The following DRC8 variants were observed in gnomAD, a reference collection of about 807,000 sequenced individuals.
DRC8 encodes dynein regulatory complex subunit 8.
the DRC8 span, among the ~76,000 whole-genome samples, chr1:244,993,566 A>G: frequency 1.3e-5 from 2 of 152,204 alleles, no homozygotes; most frequent in African/African-American, 2.4e-5. Context: ...ATCCACAGAC[A>G]CTTCTATCAA....
chr1:245,063,869 C>T, the DRC8 span, among the ~76,000 whole-genome samples: 15 of 152,054 alleles, frequency 9.9e-5, no homozygotes, highest in East Asian at 1.9e-4. Flanking sequence ...GTTACAGGCA[C>T]GCACCACCAC....
the DRC8 span, among the ~76,000 whole-genome samples, chr1:244,989,944 C>T: frequency 4.6e-5 from 7 of 152,196 alleles, no homozygotes; most frequent in Admixed American, 2.0e-4. Flanking sequence ...AGTATCATGA[C>T]GAAATCTCTC....
chr1:245,106,968 C>T, the DRC8 span, among the ~76,000 whole-genome samples: 5 of 152,132 alleles, frequency 3.3e-5, no homozygotes, highest in Admixed American at 6.5e-5. Context: ...CGCTGGAACC[C>T]GGGAGGCGGA....
At chr1:244,994,068 C>G in the DRC8 span, among the ~76,000 whole-genome samples, 1 of 152,152 alleles carries the variant, frequency 6.6e-6, no homozygotes. Context: ...AGGACTCAGT[C>G]TTACTGTCCA....
chr1:245,091,692 C>T, the DRC8 span: 1 of 152,182 alleles, frequency 6.6e-6, no homozygotes, highest in Admixed American at 6.5e-5. Context: ...ACAAATTTGT[C>T]TGTTTCTTTT....
chr1:245,072,986 C>T, the DRC8 span, among the ~76,000 whole-genome samples: 1 of 152,204 alleles, frequency 6.6e-6, no homozygotes, highest in Non-Finnish European at 1.5e-5. Context: ...GCCTGCAGAA[C>T]TGTGAGCCAA....
the DRC8 span, among the ~76,000 whole-genome samples, chr1:245,110,046 T>C: frequency 6.1e-3 from 924 of 152,308 alleles, 4 homozygotes; most frequent in Non-Finnish European, 9.3e-3. Flanking sequence ...CTTGGCCAAT[T>C]GCGTAACTGG....
chr1:244,981,152 C>T, the DRC8 span, among the ~76,000 whole-genome samples: 4 of 152,070 alleles, frequency 2.6e-5, no homozygotes, highest in Admixed American at 6.6e-5. Context: ...CCATTGCACT[C>T]CAGCCTGGAT....
At chr1:245,028,340 G>T in the DRC8 span, among the ~76,000 whole-genome samples, 1 of 152,184 alleles carries the variant, frequency 6.6e-6, no homozygotes, top group Non-Finnish European at 1.5e-5. Flanking sequence ...AGAAATGTAG[G>T]TTGTTTGTAA....
chr1:245,014,569 A>C, the DRC8 span, among the ~76,000 whole-genome samples: 1 of 152,044 alleles, frequency 6.6e-6, no homozygotes, highest in South Asian at 2.1e-4. Context: ...TTATGTTGCA[A>C]CCTGGAAAAA....
the DRC8 span, among the ~76,000 whole-genome samples, chr1:245,024,627 A>G: frequency 5.4e-5 from 8 of 149,360 alleles, no homozygotes; most frequent in African/African-American, 2.0e-4. Flanking sequence ...AGCTCACTGC[A>G]ACCTCTGCCT....
At chr1:244,976,549 G>C in the DRC8 span, among the ~76,000 whole-genome samples, 1 of 152,122 alleles carries the variant, frequency 6.6e-6, no homozygotes, top group East Asian at 1.9e-4. Context: ...AATGTCTCAA[G>C]AATAGTCATA....
chr1:244,989,926 CTATTTTGA>C, the DRC8 span, among the ~76,000 whole-genome samples: 2 of 152,194 alleles, frequency 1.3e-5, no homozygotes, highest in Non-Finnish European at 2.9e-5. Flanking sequence ...AAATTGCATG[CTATTTTGA>C]GTATCATGAC....
chr1:244,984,010 A>T, the DRC8 span, among the ~76,000 whole-genome samples: 1 of 151,752 alleles, frequency 6.6e-6, no homozygotes, highest in Non-Finnish European at 1.5e-5. Context: ...GCTGGAGTGC[A>T]GTGGCCCAAT....
At chr1:245,084,550 A>G in the DRC8 span, among the ~76,000 whole-genome samples, 1 of 152,192 alleles carries the variant, frequency 6.6e-6, no homozygotes, top group Admixed American at 6.5e-5. Flanking sequence ...TATATATGCC[A>G]ACATATTTCC....
At chr1:245,107,773 C>T in the DRC8 span, among the ~76,000 whole-genome samples, 1 of 152,172 alleles carries the variant, frequency 6.6e-6, no homozygotes, top group Non-Finnish European at 1.5e-5. Flanking sequence ...TCAGAGCTAC[C>T]CTTTAGTTGG....
At chr1:245,032,513 A>G in the DRC8 span, among the ~76,000 whole-genome samples, 1 of 152,206 alleles carries the variant, frequency 6.6e-6, no homozygotes, top group Non-Finnish European at 1.5e-5. Flanking sequence ...CTGAGAGCTC[A>G]TTTATGCCAT....
chr1:245,057,642 T>C, the DRC8 span, among the ~76,000 whole-genome samples: 1 of 151,694 alleles, frequency 6.6e-6, no homozygotes, highest in South Asian at 2.1e-4. Flanking sequence ...CAAAAATCTT[T>C]TTTTTTTTTT....
the DRC8 span, among the ~76,000 whole-genome samples, chr1:245,121,035 A>G: frequency 6.6e-6 from 1 of 152,270 alleles, no homozygotes; most frequent in African/African-American, 2.4e-5. Flanking sequence ...AATACAGTTC[A>G]AAATTAATTT....
Sources: allele counts gnomAD v4.1 joint callset (sites outside exome capture counted in the v4.1 genomes callset), GRCh38; gene constraint gnomAD v4.1.1; transcripts MANE v1.5; gene names NCBI Gene and HGNC (gene_info 2026-07-23, HGNC 2026-07-21).